Variants in MTERF4 observed in about 807,000 individuals in gnomAD.
MTERF4 encodes transcription termination factor 4, mitochondrial.
MTERF4 carries 17 observed loss-of-function variants against 22.5 expected under a neutral mutation model. That is an observed-to-expected ratio of 0.75 (90% CI 0.52 to 1.13). MTERF4 has a LOEUF of 1.13. MTERF4 is among the 50% of genes most tolerant of loss of function. The pLI is 0.00. For missense variants in MTERF4, 420 were observed against 466.8 expected (o/e 0.90, Z 0.92); for synonymous variants, 165 against 175.3 (o/e 0.94, Z 0.47).
downstream of MTERF4, among the ~76,000 whole-genome samples, chr2:241,086,733 T>C (rs74000364): frequency 6.8e-3 from 1,033 of 152,364 alleles, 15 homozygotes; most frequent in African/African-American, 0.024. Flanking sequence ...GTTGGAGCTT[T>C]GCCTGCTGAA....
In MTERF4 at chr2:241,099,742, A is replaced by G. The variant is rs761691318; in HGVS notation, c.174T>C (p.Val58=). 1 of 1,614,200 alleles carries G rather than the reference A, an allele frequency of 6.2e-7. No homozygotes were observed. The highest frequency in any genetic ancestry group is 1.1e-5 in the South Asian group (1 of 91,090). ...GTTCCTGCACATAGTTATTGGATCT[A>G]ACACAAGATAACTCCTCAATGACCC... ...NGGVIEELSC[V]RSNNYVQEPE... is the part of the protein sequence containing the mutation. Residue 58 remains valine, a synonymous_variant, in exon 2 of 4, where the codon GTT becomes GTC. Transcript: ENST00000391980.
downstream of MTERF4, chr2:241,091,642 T>G (rs2064013969): frequency 6.6e-6 from 1 of 152,228 alleles, no homozygotes; most frequent in African/African-American, 2.4e-5. This position sits in a 1 kb window ranked among gnomAD's most constrained non-coding sequence, Gnocchi z 4.1. Flanking sequence ...TCAAAGGATT[T>G]AAGACGTTCT....
At chr2:241,080,687 G>A (rs2125298452) in intron 4 of MTERF4, among the ~76,000 whole-genome samples, 1 of 152,376 alleles carries the variant, frequency 6.6e-6, no homozygotes, top group East Asian at 1.9e-4. Flanking sequence ...GACAGCAATG[G>A]ACGGAAGCCC....
At chr2:241,050,027 C>A in the MTERF4 span, 1 of 934,232 alleles carries the variant, frequency 1.1e-6, no homozygotes, top group Admixed American at 1.9e-5. Flanking sequence ...CTCCTTGTTT[C>A]GCGAATTGCT....
At chr2:241,087,169 T>A (rs2063624972), downstream of MTERF4, 2 of 510,730 alleles carry the variant, frequency 3.9e-6, no homozygotes, top group South Asian at 6.8e-5. Context: ...TAAAATGGGT[T>A]TATTTTATGC....
chr2:241,078,357 T>C lies in MTERF4; in HGVS notation n.480-2675A>G, dbSNP rs115668529. Among the ~76,000 whole-genome samples the C allele has an allele frequency of 2.9e-3, 398 of 138,794 alleles. 8 individuals carry two copies. The highest frequency in any genetic ancestry group is 0.011 in the African/African-American group (379 of 35,194). 91.1% of individuals were successfully genotyped at this position (138,794 alleles called of 152,430 possible). On this transcript the variant is annotated intron_variant and non_coding_transcript_variant, in intron 4 of 4. Coordinates refer to the MTERF4 transcript ENST00000464344. ...GAGATCGCGCCACTGCACTGCAGCC[T>C]GGGAGACAGAACTAGACTCCGTCTC...
chr2:241,062,702 C>T, the MTERF4 span: 4 of 844,056 alleles, frequency 4.7e-6, no homozygotes, highest in Non-Finnish European at 7.9e-6. Context: ...TCATCGAATT[C>T]TGTCTGGCCC....
chr2:241,054,581 A>G, the MTERF4 span, among the ~76,000 whole-genome samples: 1 of 152,234 alleles, frequency 6.6e-6, no homozygotes, highest in Non-Finnish European at 1.5e-5. Flanking sequence ...CAAAAAAAGA[A>G]AATGGATTAA....
chr2:241,090,336 C>A, downstream of MTERF4: 6 of 1,550,292 alleles, frequency 3.9e-6, no homozygotes, highest in South Asian at 7.1e-5. Context: ...CCCAGTAACA[C>A]ACATGGAGCT....
At chr2:241,082,158 C>T (rs1382676730), downstream of MTERF4, 4 of 760,596 alleles carry the variant, frequency 5.3e-6, no homozygotes, top group African/African-American at 1.7e-5. Context: ...CCCACCATCC[C>T]GCCTTGGAGG....
At chr2:241,069,197 T>C (rs1215144629), downstream of MTERF4, among the ~76,000 whole-genome samples, 1 of 152,186 alleles carries the variant, frequency 6.6e-6, no homozygotes, top group African/African-American at 2.4e-5. This position sits in a 1 kb window ranked among gnomAD's most constrained non-coding sequence, Gnocchi z 4.9. Flanking sequence ...TGGGCTGGGC[T>C]GGGCCCTTGT....
downstream of MTERF4, among the ~76,000 whole-genome samples, chr2:241,070,880 C>T (rs10175334): frequency 0.23 from 35,642 of 152,134 alleles, 4,300 homozygotes; most frequent in Middle Eastern, 0.31. Flanking sequence ...CAGAGCAGTG[C>T]GCGGCTCCCC....
intron 4 of MTERF4, among the ~76,000 whole-genome samples, chr2:241,081,067 G>T (rs2063304718): frequency 6.6e-6 from 1 of 152,266 alleles, no homozygotes; most frequent in South Asian, 2.1e-4. Context: ...CCAGTGACCA[G>T]TCCTCGTGTC....
the MTERF4 span, among the ~76,000 whole-genome samples, chr2:241,060,644 T>TA: frequency 5.3e-3 from 799 of 151,512 alleles, 3 homozygotes; most frequent in African/African-American, 8.5e-3. Context: ...AATGTTTCTT[T>TA]AAAAAAAAAC....
downstream of MTERF4, among the ~76,000 whole-genome samples, chr2:241,068,709 C>A (rs754637626): frequency 6.6e-6 from 1 of 152,186 alleles, no homozygotes; most frequent in Non-Finnish European, 1.5e-5. This position sits in a 1 kb window ranked among gnomAD's most constrained non-coding sequence, Gnocchi z 5.3. Context: ...CTCCGCTGCC[C>A]GGACTATGGG....
chr2:241,070,180 G>A (rs200406338), downstream of MTERF4: 8 of 1,583,028 alleles, frequency 5.1e-6, no homozygotes, highest in Admixed American at 1.8e-5. Context: ...CAGCGAGCCC[G>A]CCCACCTCTA....
downstream of MTERF4, chr2:241,089,241 A>G: frequency 6.7e-7 from 1 of 1,489,690 alleles, no homozygotes; most frequent in Non-Finnish European, 9.0e-7. Context: ...TGGTTGGCCT[A>G]GGACAGCTTT....
Position 241,096,400 on chromosome 2 carries a change from A to G in MTERF4, c.744T>C (p.Ile248=), listed in dbSNP as rs772426713. The G allele has an allele frequency of 1.2e-6, 2 of 1,614,058 alleles. No homozygotes were observed. The highest frequency in any genetic ancestry group is 2.2e-5 in the East Asian group (1 of 44,904). ...YFRMGIKHPD[I]VKSEYLQYSL... is the part of the protein sequence containing the mutation. The stretch of plus-strand genomic sequence containing the variant: ...AATACTGCAAGTACTCACTCTTTAC[A>G]ATGTCTGGATGCTTAATTCCCATCC... The change falls in exon 4 of 4, where the codon ATT becomes ATC. Residue 248 remains isoleucine, a synonymous_variant. Coordinates refer to ENST00000391980, the MANE Select transcript of MTERF4 (RefSeq NM_182501.4). The surrounding 1 kb of genome is among the most constrained non-coding windows in gnomAD (Gnocchi z 5.1).
chr2:241,046,148 A>T, the MTERF4 span, among the ~76,000 whole-genome samples: 1 of 152,240 alleles, frequency 6.6e-6, no homozygotes, highest in African/African-American at 2.4e-5. Flanking sequence ...TGCCTAAAAA[A>T]AATAATACTG....
Sources: gnomAD v4.1 joint callset for allele counts (sites outside exome capture counted in the v4.1 genomes callset) on GRCh38, gnomAD v4.1.1 for gene constraint, Gnocchi (gnomAD v3.1) non-coding constraint, MANE v1.5 for transcripts, NCBI Gene and HGNC (gene_info 2026-07-23, HGNC 2026-07-21) for gene names.